ZFPM2: variants seen among roughly 807,000 people sequenced by gnomAD.
ZFPM2 encodes zinc finger protein, FOG family member 2.
A neutral mutation model predicts 98.6 loss-of-function variants in ZFPM2; 20 were observed. The ratio of observed to expected loss-of-function variants is 0.20; its 90% CI spans 0.14 to 0.29. The LOEUF is 0.29. Among genes scored for constraint, ZFPM2 ranks in the 10% least tolerant of loss-of-function variants. ZFPM2 has a pLI of 1.00. For synonymous variants in ZFPM2, 518 were observed against 502.7 expected, an observed-to-expected ratio of 1.03 and a Z score of -0.41; for missense variants, 1,310 against 1,388.6, an observed-to-expected ratio of 0.94 and a Z score of 0.90.
At chr8:105,460,990 A>T (rs565790252) in intron 3 of ZFPM2, among the ~76,000 whole-genome samples, 1 of 152,222 alleles carries the variant, frequency 6.6e-6, no homozygotes, top group Admixed American at 6.5e-5. Context: ...ATTATCAAGA[A>T]CAAGTAGACA....
rs185399238 is a variant in ZFPM2, at chr8:105,333,401, C to A, written c.40+14420C>A. 3.3e-5 allele frequency among the ~76,000 whole-genome samples: 5 copies of A among 151,796 alleles called. No individual in the cohort carries two copies. The East Asian group carries it at 9.7e-4, about 29-fold the overall frequency. On this transcript the variant is annotated intron_variant, in intron 1 of 7. Coordinates refer to ENST00000407775, the MANE Select transcript of ZFPM2 (RefSeq NM_012082.4). ...TCTGTTTGTGCTTAACTCATGAGAT[C>A]GTCTTTGGTAGTAGCTTTCCATTCA...
intron 3 of ZFPM2, among the ~76,000 whole-genome samples, chr8:105,487,776 T>C (rs967943743): frequency 5.9e-5 from 9 of 152,146 alleles, no homozygotes; most frequent in Non-Finnish European, 1.2e-4. Flanking sequence ...TCGTCATCAT[T>C]ATCATCATCT....
chr8:105,408,267 G>A (rs1480373687), intron 1 of ZFPM2, among the ~76,000 whole-genome samples: 21 of 151,982 alleles, frequency 1.4e-4, no homozygotes, highest in African/African-American at 5.1e-4. Flanking sequence ...CTTTTAATGT[G>A]CTAGTATAAA....
chr8:105,463,892 A>G (rs986710716), intron 3 of ZFPM2, among the ~76,000 whole-genome samples: 1 of 152,060 alleles, frequency 6.6e-6, no homozygotes, highest in Non-Finnish European at 1.5e-5. Flanking sequence ...CCCAACCAAC[A>G]TATTGTAAGT....
intron 3 of ZFPM2, among the ~76,000 whole-genome samples, chr8:105,508,614 A>C (rs1333436998): frequency 6.6e-6 from 1 of 152,006 alleles, no homozygotes; most frequent in Non-Finnish European, 1.5e-5. Flanking sequence ...TGCTATTGTG[A>C]GCTGAGAAAC....
intron 5 of ZFPM2, among the ~76,000 whole-genome samples, chr8:105,676,736 A>C (rs1008058490): frequency 3.9e-5 from 6 of 152,050 alleles, no homozygotes; most frequent in African/African-American, 1.4e-4. Context: ...AATTTAATAA[A>C]TTAAAAATAA....
chr8:105,782,670 C>A lies in ZFPM2; in HGVS notation c.533-6048C>A, dbSNP rs1489275090. Among the ~76,000 whole-genome samples, 10 of 152,016 alleles carry A rather than the reference C, an allele frequency of 6.6e-5. No individual in the cohort carries two copies. The East Asian group carries it at 1.9e-3, about 30-fold the overall frequency. ...TTATGGGTTTTTTACTTGTATTATT[C>A]TTCATTATTGTAATTTTGGGTAATA... is the stretch of plus-strand genomic sequence containing the variant. On this transcript the variant is annotated intron_variant, in intron 5 of 7. Transcript: ENST00000407775.
chr8:105,392,590 C>T (rs140473894), intron 1 of ZFPM2, among the ~76,000 whole-genome samples: 208 of 152,048 alleles, frequency 1.4e-3, no homozygotes, highest in African/African-American at 4.5e-3. Context: ...TATTGTGGGC[C>T]GTACAAAAAC....
intron 5 of ZFPM2, among the ~76,000 whole-genome samples, chr8:105,732,758 A>T (rs1811971934): frequency 6.6e-6 from 1 of 151,818 alleles, no homozygotes; most frequent in Non-Finnish European, 1.5e-5. Context: ...AATGGGCGGT[A>T]AAGACATTGG....
intron 5 of ZFPM2, among the ~76,000 whole-genome samples, chr8:105,773,722 C>A (rs1332742204): frequency 6.7e-6 from 1 of 149,738 alleles, no homozygotes; most frequent in African/African-American, 2.4e-5. Context: ...TAAACAAAAC[C>A]CCCCACCACC....
intron 3 of ZFPM2, among the ~76,000 whole-genome samples, chr8:105,468,229 A>G (rs768131679): frequency 7.3e-5 from 11 of 151,686 alleles, no homozygotes; most frequent in Non-Finnish European, 1.5e-4. Context: ...GACTCTTCCC[A>G]GGGGTACTTG....
rs1477755260 is a variant in ZFPM2, at chr8:105,798,745, C to T, written c.761C>T (p.Ser254Phe). ...IVNKDIFPCK[S>F]CGIWYRSERN... ...GCAGAGGATATATTCCCTTGCAAGTCCTGTGGCATCTGGTATCGGAGTGAG... is the reference window on the plus strand; with the variant it reads ...GCAGAGGATATATTCCCTTGCAAGTTCTGTGGCATCTGGTATCGGAGTGAG... The change falls in exon 7 of 8, where the codon TCC becomes TTC. Residue 254 changes from serine to phenylalanine, a missense_variant. Physicochemically the swap from Ser to Phe is radical, Grantham distance 155. Transcript: ENST00000407775. 1 of 1,613,588 alleles carries T rather than the reference C, an allele frequency of 6.2e-7. No individual in the cohort carries two copies. The highest frequency in any genetic ancestry group is 8.5e-7 in the Non-Finnish European group (1 of 1,179,788).
At chr8:105,763,875 G>T (rs1281311180) in intron 5 of ZFPM2, among the ~76,000 whole-genome samples, 2 of 151,750 alleles carry the variant, frequency 1.3e-5, no homozygotes, top group Non-Finnish European at 2.9e-5. Context: ...AAAAAGATGG[G>T]ATCATAAACA....
intron 4 of ZFPM2, among the ~76,000 whole-genome samples, chr8:105,620,939 G>T (rs748143983): frequency 6.6e-6 from 1 of 152,104 alleles, no homozygotes; most frequent in Non-Finnish European, 1.5e-5. Context: ...CTGTAGCCTC[G>T]TAGTATAGTT....
At chr8:105,641,389 G>A (rs774178268) in intron 5 of ZFPM2, among the ~76,000 whole-genome samples, 22 of 152,088 alleles carry the variant, frequency 1.4e-4, no homozygotes, top group Non-Finnish European at 2.5e-4. Flanking sequence ...TTCTGGTTAC[G>A]TTCTATTAAT....
At chr8:105,388,595 C>G (rs1811047135) in intron 1 of ZFPM2, among the ~76,000 whole-genome samples, 1 of 152,088 alleles carries the variant, frequency 6.6e-6, no homozygotes, top group African/African-American at 2.4e-5. Context: ...CAGTAGAAAA[C>G]CACTGAGGAA....
At chr8:105,599,036 C>G (rs954351407) in intron 4 of ZFPM2, among the ~76,000 whole-genome samples, 1 of 151,996 alleles carries the variant, frequency 6.6e-6, no homozygotes, top group African/African-American at 2.4e-5. Context: ...TGGAACACAG[C>G]GTGTATAACA....
intron 6 of ZFPM2, chr8:105,795,938 ATC>A: frequency 4.0e-6 from 1 of 251,044 alleles, no homozygotes; most frequent in Non-Finnish European, 8.0e-6. Context: ...ATACTTTAAA[ATC>A]TCTGAGACTC....
rs1315387745 is a variant in ZFPM2 at position 105,429,349 on chromosome 8, G to C, written c.199+10047G>C. Among the ~76,000 whole-genome samples the C allele has an allele frequency of 2.6e-5, 4 of 151,570 alleles. No homozygotes were observed. The East Asian group carries it at 7.7e-4, about 29-fold the overall frequency. ...CATGCATGTATAGAGGCAGAAAGAG[G>C]ACTACATAAAGAATTTTCTCATTTC... On this transcript the variant is annotated intron_variant, in intron 2 of 7. Coordinates refer to ENST00000407775, the MANE Select transcript of ZFPM2 (RefSeq NM_012082.4).
Sources: allele counts gnomAD v4.1 joint callset (sites outside exome capture counted in the v4.1 genomes callset), GRCh38; gene constraint gnomAD v4.1.1; transcripts MANE v1.5; gene names NCBI Gene and HGNC (gene_info 2026-07-23, HGNC 2026-07-21).